Variants in HES1 observed in about 807,000 individuals in gnomAD.
HES1 encodes transcription factor HES-1.
Under a neutral mutation model 21.0 loss-of-function variants are expected in HES1, and 7 were observed. The observed-to-expected ratio is 0.33, with a 90% CI of 0.19 to 0.63. The LOEUF is 0.63. Among genes scored for constraint, HES1 ranks in the 20% least tolerant of loss-of-function variants. The pLI is 0.78. For missense variants in HES1, 338 were observed against 389.8 expected (o/e 0.87, Z 1.12); for synonymous variants, 169 against 171.2 (o/e 0.99, Z 0.10).
Position 194,137,248 on chromosome 3 carries a change from T to A in HES1, c.292+200T>A. On this transcript the variant is annotated intron_variant, in intron 3 of 3. Coordinates refer to ENST00000232424, the MANE Select transcript of HES1 (RefSeq NM_005524.4). This position sits in a 1 kb window ranked among gnomAD's most constrained non-coding sequence, Gnocchi z 5.4. ...TGTTCCGGAAAGGGAGGGAAAGAGGTTGCAGCCGCGAGGGTGGCGGGCGCC... is the reference window on the plus strand; with the variant it reads ...TGTTCCGGAAAGGGAGGGAAAGAGGATGCAGCCGCGAGGGTGGCGGGCGCC... The A allele has an allele frequency of 3.2e-6, 2 of 624,644 alleles. No homozygotes were observed. The allele number at this position is 624,644 out of a possible 1,614,324, so 38.7% of individuals were successfully genotyped here. A position where few individuals can be genotyped will look rare whatever the true frequency, so the allele number is the denominator to read the frequency against.
chr3:194,137,933 C>A lies in HES1; in HGVS notation c.543C>A (p.Phe181Leu). The A allele has an allele frequency of 7.7e-7, 1 of 1,305,642 alleles. No individual in the cohort carries two copies. The allele number at this position is 1,305,642 out of a possible 1,614,324, so 80.9% of individuals were successfully genotyped here. The change falls in exon 4 of 4, where the codon TTC becomes TTA. Residue 181 changes from phenylalanine (F) to leucine (L), a missense_variant. Transcript: ENST00000232424. This position sits in a 1 kb window ranked among gnomAD's most constrained non-coding sequence, Gnocchi z 5.4. ...CCGGCGGCCCCCAGCACGCGCCGTT[C>A]GCGCCGCCGCCGCCACTCGTGCCCA... ...PGPGGPQHAP[F>L]APPPPLVPIP...
rs1187506515 is a variant in HES1 at position 194,137,909 on chromosome 3, C to T, written c.519C>T (p.Pro173=). The change falls in exon 4 of 4, where the codon CCC becomes CCT. Residue 173 remains proline, a synonymous_variant. Transcript: ENST00000232424. The surrounding 1 kb of genome is among the most constrained non-coding windows in gnomAD (Gnocchi z 5.4). The part of the protein sequence containing the change: ...LQAPPPPPPG[P]GGPQHAPFAP... ...CGCCGCCACCGCCCCCACCGGGACCCGGCGGCCCCCAGCACGCGCCGTTCG... is the reference window on the plus strand; with the variant it reads ...CGCCGCCACCGCCCCCACCGGGACCTGGCGGCCCCCAGCACGCGCCGTTCG... 1.4e-6 allele frequency: 2 copies of T among 1,429,798 alleles called. No individual in the cohort carries two copies. Among genetic ancestry groups the T allele is most frequent in the Middle Eastern group, 1.9e-4 (1 of 5,356 alleles). The allele number at this position is 1,429,798 out of a possible 1,614,324, so 88.6% of individuals were successfully genotyped here.
At position 194,138,601 on chromosome 3, in the gene HES1, T is replaced by G; in HGVS notation, c.*368T>G. ...GAGAAAATATAATAAAAGAAAAAAG[T>G]AAAGGCTTTTATGTCTTCGAACTGA... is the stretch of plus-strand genomic sequence containing the variant. On this transcript the variant is annotated 3_prime_UTR_variant, in exon 4 of 4. Transcript: ENST00000232424. 1 of 176,572 alleles carries G rather than the reference T, an allele frequency of 5.7e-6. No individual in the cohort carries two copies. The highest frequency in any genetic ancestry group is 1.2e-5 in the Non-Finnish European group (1 of 84,732). 10.9% of individuals were successfully genotyped at this position (176,572 alleles called of 1,614,324 possible). A position where few individuals can be genotyped will look rare whatever the true frequency, so the allele number is the denominator to read the frequency against.
At position 194,137,111 on chromosome 3, in the gene HES1, C is replaced by T; in HGVS notation, c.292+63C>T. The T allele has an allele frequency of 7.2e-7, 1 of 1,386,294 alleles. No homozygotes were observed. The highest frequency in any genetic ancestry group is 2.3e-5 in the East Asian group (1 of 43,808). 85.9% of individuals were successfully genotyped at this position (1,386,294 alleles called of 1,614,324 possible). ...CCGCTCGCCTCGCGGTGATTTCTTC[C>T]AGACTTCCGCCCGTGGTTGTGAGAG... On this transcript the variant is annotated intron_variant, in intron 3 of 3. Transcript: ENST00000232424. This position sits in a 1 kb window ranked among gnomAD's most constrained non-coding sequence, Gnocchi z 5.4.
At position 194,136,375 on chromosome 3, in the gene HES1, AG is replaced by A. The variant is rs756696361; in HGVS notation, c.-4del. The A allele has an allele frequency of 2.6e-6, 4 of 1,512,122 alleles. No individual in the cohort carries two copies. Among genetic ancestry groups the A allele is most frequent in the South Asian group, 2.5e-5 (2 of 80,006 alleles). The allele number at this position is 1,512,122 out of a possible 1,614,324, so 93.7% of individuals were successfully genotyped here. A position where few individuals can be genotyped will look rare whatever the true frequency, so the allele number is the denominator to read the frequency against. On this transcript the variant is annotated 5_prime_UTR_variant, in exon 1 of 4. Transcript: ENST00000232424. Reference sequence around the variant, plus strand: ...CTCTAGAGATAAAAAAAAAAAAAAAAGGAAAATGCCAGCTGATATAATGGAG... The same window carrying A: ...CTCTAGAGATAAAAAAAAAAAAAAAAGAAAATGCCAGCTGATATAATGGAG...
chr3:194,137,346 C>T lies in HES1; in HGVS notation c.292+298C>T. The T allele has an allele frequency of 5.2e-6, 3 of 574,482 alleles. No individual in the cohort carries two copies. Among genetic ancestry groups the T allele is most frequent in the Non-Finnish European group, 9.3e-6 (3 of 321,736 alleles). 35.6% of individuals were successfully genotyped at this position (574,482 alleles called of 1,614,324 possible). A position where few individuals can be genotyped will look rare whatever the true frequency, so the allele number is the denominator to read the frequency against. ...GAGCCTGGGGGTCACTGGTTTAGCA[C>T]TCCTTCCCGTTGCAGAAGGGGAAAT... is the stretch of plus-strand genomic sequence containing the variant. On this transcript the variant is annotated intron_variant, in intron 3 of 3. Transcript: ENST00000232424. This position sits in a 1 kb window ranked among gnomAD's most constrained non-coding sequence, Gnocchi z 5.4.
In HES1 at chr3:194,137,244, G is replaced by A. The variant is rs1244556079; in HGVS notation, c.292+196G>A. ...TTACTGTTCCGGAAAGGGAGGGAAA[G>A]AGGTTGCAGCCGCGAGGGTGGCGGG... On this transcript the variant is annotated intron_variant, in intron 3 of 3. Transcript: ENST00000232424. The surrounding 1 kb of genome is among the most constrained non-coding windows in gnomAD (Gnocchi z 5.4). The A allele has an allele frequency of 1.3e-5, 8 of 630,626 alleles. No individual in the cohort carries two copies. The Admixed American group carries it at 1.9e-4, about 15-fold the overall frequency. The allele number at this position is 630,626 out of a possible 1,614,324, so 39.1% of individuals were successfully genotyped here.
In HES1 at chr3:194,137,059, C is replaced by T. The variant is rs373997718; in HGVS notation, c.292+11C>T. 2 of 1,610,422 alleles carry T rather than the reference C, an allele frequency of 1.2e-6. No individual in the cohort carries two copies. The highest frequency in any genetic ancestry group is 1.3e-5 in the African/African-American group (1 of 74,884). ...GGGCGCAGATGACGGGTGAGGGCGGCTCGCCGCGTCCCCCTGTGCGGGCGT... is the reference window on the plus strand; with the variant it reads ...GGGCGCAGATGACGGGTGAGGGCGGTTCGCCGCGTCCCCCTGTGCGGGCGT... On this transcript the variant is annotated intron_variant, in intron 3 of 3. Transcript: ENST00000232424. This position sits in a 1 kb window ranked among gnomAD's most constrained non-coding sequence, Gnocchi z 5.4.
chr3:194,137,817 C>T lies in HES1; in HGVS notation c.427C>T (p.Leu143=), dbSNP rs1715383537. 3 of 1,613,370 alleles carry T rather than the reference C, an allele frequency of 1.9e-6. No individual in the cohort carries two copies. Among genetic ancestry groups the T allele is most frequent in the South Asian group, 2.2e-5 (2 of 91,048 alleles). ...GGTGCGCACTCGGCTGCTCGGCCAC[C>T]TGGCCAACTGCATGACCCAGATCAA... ...TEVRTRLLGH[L]ANCMTQINAM... The change falls in exon 4 of 4, where the codon CTG becomes TTG. Residue 143 remains leucine, a synonymous_variant. Coordinates refer to ENST00000232424, the MANE Select transcript of HES1 (RefSeq NM_005524.4). This position sits in a 1 kb window ranked among gnomAD's most constrained non-coding sequence, Gnocchi z 5.4.
chr3:194,136,876 C>A (rs748351351), intron 2 of HES1, 85 bp from the exon 3 acceptor site: 1 of 1,434,208 alleles, frequency 7.0e-7, no homozygotes, highest in South Asian at 1.1e-5. Flanking sequence ...ATAATGCTTG[C>A]GCTCCGTGGC....
Position 194,136,496 on chromosome 3 carries a change from C to T in HES1, c.108+8C>T. 6.3e-7 allele frequency: 1 copy of T among 1,594,144 alleles called. No individual in the cohort carries two copies. The highest frequency in any genetic ancestry group is 1.4e-5 in the African/African-American group (1 of 73,890). On this transcript the variant is annotated splice_region_variant and intron_variant, in intron 1 of 3. Transcript: ENST00000232424. ...GCATCTGAGCACAGAAAGGTAAGGG[C>T]GGTACCTGTATCTCTTTGCAGCCCC...
Position 194,138,288 on chromosome 3 carries a change from G to A in HES1, c.*55G>A. The A allele has an allele frequency of 1.4e-6, 2 of 1,441,290 alleles. No homozygotes were observed. The highest frequency in any genetic ancestry group is 2.7e-5 in the East Asian group (1 of 37,452). The allele number at this position is 1,441,290 out of a possible 1,614,324, so 89.3% of individuals were successfully genotyped here. A position where few individuals can be genotyped will look rare whatever the true frequency, so the allele number is the denominator to read the frequency against. The stretch of plus-strand genomic sequence containing the variant: ...TCCCCAACCCACCTCTCTTCCCTCC[G>A]GACTCTAAACAGGAACTTGAATACT... On this transcript the variant is annotated 3_prime_UTR_variant, in exon 4 of 4. Transcript: ENST00000232424.
chr3:194,138,335 G>A lies in HES1; in HGVS notation c.*102G>A. The A allele has an allele frequency of 8.3e-7, 1 of 1,208,062 alleles. No homozygotes were observed. The highest frequency in any genetic ancestry group is 1.1e-6 in the Non-Finnish European group (1 of 914,118). The allele number at this position is 1,208,062 out of a possible 1,614,324, so 74.8% of individuals were successfully genotyped here. ...TACTGGGAGAGAAGAGGACTTTTTT[G>A]ATTAAGTGGTTACTTTGTGTTTTTT... is the stretch of plus-strand genomic sequence containing the variant. On this transcript the variant is annotated 3_prime_UTR_variant, in exon 4 of 4. Transcript: ENST00000232424.
chr3:194,136,472 C>A lies in HES1; in HGVS notation c.92C>A (p.Ala31Glu). ...ACGACACCGGATAAACCAAAGACAG[C>A]ATCTGAGCACAGAAAGGTAAGGGCG... is the stretch of plus-strand genomic sequence containing the variant. Reference protein sequence around the residue: ...VNTTPDKPKTASEHRKSSKPI... With the variant: ...VNTTPDKPKTESEHRKSSKPI... Residue 31 changes from alanine (A) to glutamate (E), a missense_variant, in exon 1 of 4, where the codon GCA (alanine) becomes GAA (glutamate). Coordinates refer to ENST00000232424, the MANE Select transcript of HES1 (RefSeq NM_005524.4). The A allele has an allele frequency of 6.2e-7, 1 of 1,609,340 alleles. No individual in the cohort carries two copies. The highest frequency in any genetic ancestry group is 8.5e-7 in the Non-Finnish European group (1 of 1,178,226).
intron 2 of HES1, 23 bp from the exon 3 acceptor site, chr3:194,136,933 ACTTTC>A: frequency 6.2e-7 from 1 of 1,606,942 alleles, no homozygotes; most frequent in Non-Finnish European, 8.5e-7. Flanking sequence ...CACGGGGCTC[ACTTTC>A]CTTTCTTGCC....
Position 194,136,650 on chromosome 3 carries a change from G to A in HES1, c.142G>A (p.Ala48Thr), listed in dbSNP as rs1327669973. The A allele has an allele frequency of 1.2e-6, 2 of 1,613,726 alleles. No individual in the cohort carries two copies. The highest frequency in any genetic ancestry group is 1.3e-5 in the African/African-American group (1 of 74,842). Reference protein sequence around the residue: ...SKPIMEKRRRARINESLSQLK... With the variant: ...SKPIMEKRRRTRINESLSQLK... ...GCCTATTATGGAGAAAAGACGAAGA[G>A]CAAGAATAAATGAAAGTCTGAGCCA... The change falls in exon 2 of 4, where the codon GCA (alanine) becomes ACA (threonine). Residue 48 changes from alanine to threonine, a missense_variant. Ala to Thr is a moderately conservative substitution (Grantham distance 58). Transcript: ENST00000232424.
In HES1 at chr3:194,136,702, T is replaced by G. The variant is rs1244535096; in HGVS notation, c.194T>G (p.Leu65Arg). ...CTGAAAACACTGATTTTGGATGCTCTGAAGAAAGATGTAAGTGGGGAAATG... is the reference window on the plus strand; with the variant it reads ...CTGAAAACACTGATTTTGGATGCTCGGAAGAAAGATGTAAGTGGGGAAATG... ...SQLKTLILDA[L>R]KKDSSRHSKL... Residue 65 changes from leucine (L) to arginine (R), a missense_variant, in exon 2 of 4, where the codon CTG becomes CGG. Coordinates refer to ENST00000232424, the MANE Select transcript of HES1 (RefSeq NM_005524.4). The G allele has an allele frequency of 1.2e-6, 2 of 1,611,322 alleles. No individual in the cohort carries two copies. The highest frequency in any genetic ancestry group is 1.7e-6 in the Non-Finnish European group (2 of 1,177,502).
At position 194,136,684 on chromosome 3, in the gene HES1, C is replaced by A. The variant is rs1715347062; in HGVS notation, c.176C>A (p.Thr59Lys). The A allele has an allele frequency of 6.2e-7, 1 of 1,613,814 alleles. No homozygotes were observed. The highest frequency in any genetic ancestry group is 2.2e-5 in the East Asian group (1 of 44,902). ...RINESLSQLK[T>K]LILDALKKDS... ...AATGAAAGTCTGAGCCAGCTGAAAA[C>A]ACTGATTTTGGATGCTCTGAAGAAA... The change falls in exon 2 of 4, where the codon ACA becomes AAA. Residue 59 changes from threonine to lysine, a missense_variant. Physicochemically the swap from Thr to Lys is moderately conservative, Grantham distance 78 (BLOSUM62 -1). Transcript: ENST00000232424.
Position 194,136,604 on chromosome 3 carries a change from T to C in HES1, c.109-13T>C, listed in dbSNP as rs766197711. 2 of 1,600,128 alleles carry C rather than the reference T, an allele frequency of 1.2e-6. No individual in the cohort carries two copies. The highest frequency in any genetic ancestry group is 1.7e-6 in the Non-Finnish European group (2 of 1,173,078). Reference sequence around the variant, plus strand: ...ATTCCATGGGAACACAGAACTCTTTTTTTTATTTGCAGTCATCAAAGCCTA... The same window carrying C: ...ATTCCATGGGAACACAGAACTCTTTCTTTTATTTGCAGTCATCAAAGCCTA... On this transcript the variant is annotated splice_polypyrimidine_tract_variant and intron_variant, in intron 1 of 3. Transcript: ENST00000232424.
Sources: gnomAD v4.1 joint callset for allele counts on GRCh38, gnomAD v4.1.1 for gene constraint, Gnocchi (gnomAD v3.1) non-coding constraint, MANE v1.5 for transcripts, NCBI Gene and HGNC (gene_info 2026-07-23, HGNC 2026-07-21) for gene names.